The following ROBO1 variants were observed in gnomAD, a reference collection of about 807,000 sequenced individuals.
ROBO1 encodes roundabout homolog 1.
Under a neutral mutation model 195.9 loss-of-function variants are expected in ROBO1, and 149 were observed. The ratio of observed to expected loss-of-function variants is 0.76; its 90% CI spans 0.67 to 0.87. The LOEUF is 0.87. ROBO1 is among the 40% of genes least tolerant of loss of function. ROBO1 has a pLI of 0.00. For missense variants in ROBO1, 1,933 were observed against 2,068.3 expected, an observed-to-expected ratio of 0.93 and a Z score of 1.27; for synonymous variants, 816 against 733.2, an observed-to-expected ratio of 1.11 and a Z score of -1.82.
intron 1 of ROBO1, among the ~76,000 whole-genome samples, chr3:79,625,635 A>G (rs1945153011): frequency 6.6e-6 from 1 of 151,978 alleles, no homozygotes; most frequent in Non-Finnish European, 1.5e-5. Flanking sequence ...CTGGACATAT[A>G]CACCCTCCCA....
chr3:79,393,927 T>C (rs947651324), intron 2 of ROBO1, among the ~76,000 whole-genome samples: 15 of 151,866 alleles, frequency 9.9e-5, no homozygotes, highest in Admixed American at 6.6e-4. Flanking sequence ...CTTAAGTGAA[T>C]AGAAAAAAAG....
intron 21 of ROBO1, among the ~76,000 whole-genome samples, chr3:78,641,595 T>A (rs968980131): frequency 2.0e-5 from 3 of 152,208 alleles, no homozygotes; most frequent in African/African-American, 4.8e-5. Context: ...AATCTTTTGC[T>A]TTCTTATTTT....
chr3:79,198,654 T>C (rs1326689970), intron 2 of ROBO1, among the ~76,000 whole-genome samples: 2 of 152,130 alleles, frequency 1.3e-5, no homozygotes, highest in Non-Finnish European at 2.9e-5. Flanking sequence ...ACGATATTGA[T>C]TCTTCCTATC....
chr3:79,044,766 GAC>G (rs2078557608), intron 3 of ROBO1, among the ~76,000 whole-genome samples: 1 of 151,942 alleles, frequency 6.6e-6, no homozygotes, highest in Non-Finnish European at 1.5e-5. Flanking sequence ...TAGATAAAGA[GAC>G]AGCTTTTTGA....
chr3:79,167,468 T>C (rs1382272124), intron 2 of ROBO1, among the ~76,000 whole-genome samples: 1 of 152,188 alleles, frequency 6.6e-6, no homozygotes, highest in Non-Finnish European at 1.5e-5. Context: ...ATAACTTATA[T>C]CTTTATAACA....
At position 79,590,942 on chromosome 3, in the gene ROBO1, G is replaced by A. The variant is rs563802980; in HGVS notation, c.-50-981C>T. Among the ~76,000 whole-genome samples the A allele has an allele frequency of 3.3e-5, 5 of 151,686 alleles. No individual in the cohort carries two copies. In the Admixed American group the frequency reaches 3.3e-4, roughly 10 times the overall value. ...GGGGTTTGCCAGAATGTAATGTGAT[G>A]GGGAACTTAAAAAATAAACTGGGGC... is the stretch of plus-strand genomic sequence containing the variant. On this transcript the variant is annotated intron_variant, in intron 1 of 30. Coordinates refer to ENST00000464233, the MANE Select transcript of ROBO1 (RefSeq NM_002941.4).
chr3:79,593,762 C>A (rs1944076116), intron 1 of ROBO1, among the ~76,000 whole-genome samples: 1 of 151,832 alleles, frequency 6.6e-6, no homozygotes, highest in Non-Finnish European at 1.5e-5. Context: ...AGAAGTGTAC[C>A]ACAACGCCTG....
Position 79,616,846 on chromosome 3 carries a change from G to A in ROBO1, c.-50-26885C>T, listed in dbSNP as rs559610733. The stretch of plus-strand genomic sequence containing the variant: ...TGTGTCTGCCTGTCCAGACTTGCAC[G>A]AAGGGTTGTGCTCATGTCCCACTCC... On this transcript the variant is annotated intron_variant, in intron 1 of 30. Transcript: ENST00000464233. Among the ~76,000 whole-genome samples, 47 of 152,232 alleles carry A rather than the reference G, an allele frequency of 3.1e-4. 1 individual carries two copies. Among genetic ancestry groups the A allele is most frequent in the African/African-American group, 1.1e-3 (45 of 41,564 alleles).
At chr3:79,043,809 T>C (rs1359041837) in intron 3 of ROBO1, among the ~76,000 whole-genome samples, 1 of 152,124 alleles carries the variant, frequency 6.6e-6, no homozygotes, top group Non-Finnish European at 1.5e-5. Context: ...CAAAGTTAAA[T>C]GCAAGGTAAT....
At chr3:79,654,940 A>C (rs4856420) in intron 1 of ROBO1, among the ~76,000 whole-genome samples, 138,150 of 151,940 alleles carry the variant, frequency 0.91, 62,989 homozygotes, top group African/African-American at 0.98. Context: ...GCAGTGCCTT[A>C]ATTTTTTCCC....
intron 2 of ROBO1, among the ~76,000 whole-genome samples, chr3:79,351,784 T>G (rs2635730): frequency 1.3e-5 from 2 of 152,148 alleles, no homozygotes. Context: ...ATTTTCTTGT[T>G]TCTTTCTTTC....
At position 79,494,197 on chromosome 3, in the gene ROBO1, A is replaced by C. The variant is rs75683432; in HGVS notation, c.88+95627T>G. Among the ~76,000 whole-genome samples, 84 of 152,248 alleles carry C rather than the reference A, an allele frequency of 5.5e-4. 4 individuals carry two copies. The East Asian group carries it at 0.014, about 25-fold the overall frequency. ...ATGCTCCATACTTTTTTCAGCAAAA[A>C]AGGTGAATTCATCTTTTTTGAATCC... On this transcript the variant is annotated intron_variant, in intron 2 of 30. Transcript: ENST00000464233.
chr3:79,011,575 G>A (rs2077777470), intron 3 of ROBO1, among the ~76,000 whole-genome samples: 1 of 151,674 alleles, frequency 6.6e-6, no homozygotes. Context: ...CGTTAGTGCA[G>A]AGAAGCTAAA....
intron 2 of ROBO1, among the ~76,000 whole-genome samples, chr3:79,557,024 T>TA (rs1942727293): frequency 6.6e-6 from 1 of 151,128 alleles, no homozygotes; most frequent in African/African-American, 2.4e-5. Flanking sequence ...TTTGTTGTTT[T>TA]TTTTTTTTAT....
intron 2 of ROBO1, among the ~76,000 whole-genome samples, chr3:79,292,440 T>C (rs1388068990): frequency 6.6e-6 from 1 of 152,232 alleles, no homozygotes; most frequent in African/African-American, 2.4e-5. Flanking sequence ...AGAGAGGGCA[T>C]CCCTGTCTTG....
intron 4 of ROBO1, among the ~76,000 whole-genome samples, chr3:78,835,186 A>G (rs2032599160): frequency 6.6e-6 from 1 of 152,152 alleles, no homozygotes; most frequent in African/African-American, 2.4e-5. Flanking sequence ...ACGTCAAGAA[A>G]CTAAAATATT....
At chr3:79,639,496 A>C (rs886192719) in intron 1 of ROBO1, among the ~76,000 whole-genome samples, 1 of 152,096 alleles carries the variant, frequency 6.6e-6, no homozygotes, top group Admixed American at 6.5e-5. Flanking sequence ...TTGGAAAAAA[A>C]CTCATAAGCA....
At chr3:79,752,436 G>C (rs549647032) in intron 1 of ROBO1, among the ~76,000 whole-genome samples, 2 of 152,224 alleles carry the variant, frequency 1.3e-5, no homozygotes, top group African/African-American at 4.8e-5. Context: ...CATTGAATAA[G>C]TATGATGAGA....
intron 1 of ROBO1, among the ~76,000 whole-genome samples, chr3:79,609,736 C>A (rs1944596887): frequency 6.6e-6 from 1 of 151,202 alleles, no homozygotes; most frequent in African/African-American, 2.4e-5. Flanking sequence ...ATGCTACGTG[C>A]CATAAGTTGG....
Sources: gnomAD v4.1 joint callset for allele counts (sites outside exome capture counted in the v4.1 genomes callset) on GRCh38, gnomAD v4.1.1 for gene constraint, MANE v1.5 for transcripts, NCBI Gene and HGNC (gene_info 2026-07-23, HGNC 2026-07-21) for gene names.